Variants in CNTN6 observed in about 807,000 individuals in gnomAD.
The protein encoded by CNTN6 is contactin 6.
In CNTN6, 137 loss-of-function variants were observed where a neutral mutation model predicts 122.8. The ratio of observed to expected loss-of-function variants is 1.12; its 90% CI spans 0.97 to 1.29. The LOEUF is 1.29. CNTN6 is among the 50% of genes most tolerant of loss of function. The pLI, the probability that CNTN6 is intolerant of heterozygous loss-of-function variation, is 0.00. For missense variants in CNTN6, 1,634 were observed against 1,223.4 expected (o/e 1.34, Z -5.01); for synonymous variants, 570 against 426.0 (o/e 1.34, Z -4.16).
At chr3:1,189,660 A>C (rs980546849) in intron 2 of CNTN6, among the ~76,000 whole-genome samples, 7 of 152,108 alleles carry the variant, frequency 4.6e-5, no homozygotes, top group African/African-American at 1.2e-4. Flanking sequence ...TGTCGACTCC[A>C]TTTCATTATC....
chr3:1,114,574 G>C (rs892871582), intron 1 of CNTN6, among the ~76,000 whole-genome samples: 1 of 152,110 alleles, frequency 6.6e-6, no homozygotes, highest in East Asian at 1.9e-4. Context: ...GGAACACAGG[G>C]ATCTGTCAAA....
intron 2 of CNTN6, among the ~76,000 whole-genome samples, chr3:1,192,062 A>G (rs1471095025): frequency 1.3e-5 from 2 of 152,064 alleles, no homozygotes; most frequent in African/African-American, 4.8e-5. Flanking sequence ...ATAACTCTTC[A>G]ATCTGCCTCG....
At chr3:1,103,947 A>C (rs1203398593) in intron 1 of CNTN6, among the ~76,000 whole-genome samples, 1 of 152,110 alleles carries the variant, frequency 6.6e-6, no homozygotes, top group African/African-American at 2.4e-5. Flanking sequence ...AATTCTGATA[A>C]ATAATTTAAC....
intron 11 of CNTN6, among the ~76,000 whole-genome samples, chr3:1,332,883 CA>C (rs1702522469): frequency 6.6e-6 from 1 of 151,914 alleles, no homozygotes; most frequent in Non-Finnish European, 1.5e-5. Flanking sequence ...TCTTCTTTTT[CA>C]AAAGAGTATT....
intron 11 of CNTN6, among the ~76,000 whole-genome samples, chr3:1,348,585 CATAT>C (rs1705127885): frequency 6.6e-6 from 1 of 151,980 alleles, no homozygotes; most frequent in Non-Finnish European, 1.5e-5. Flanking sequence ...ATTATACATA[CATAT>C]ATACACACAT....
At chr3:1,249,445 A>C (rs1326563945) in intron 4 of CNTN6, among the ~76,000 whole-genome samples, 1 of 152,232 alleles carries the variant, frequency 6.6e-6, no homozygotes, top group Non-Finnish European at 1.5e-5. Flanking sequence ...CATTGGAATA[A>C]AGCACCAGGA....
At chr3:1,237,974 A>G (rs2094441194) in intron 4 of CNTN6, among the ~76,000 whole-genome samples, 1 of 152,048 alleles carries the variant, frequency 6.6e-6, no homozygotes, top group Non-Finnish European at 1.5e-5. Context: ...GAACCTATAT[A>G]ACAATAACAC....
At chr3:1,348,645 C>T (rs66502721) in intron 11 of CNTN6, among the ~76,000 whole-genome samples, 22,321 of 151,924 alleles carry the variant, frequency 0.15, 1,746 homozygotes, top group South Asian at 0.17. Context: ...TTTAGTAACT[C>T]TGCTATTAGT....
chr3:1,130,062 C>G (rs1219860892), intron 1 of CNTN6, among the ~76,000 whole-genome samples: 8 of 151,962 alleles, frequency 5.3e-5, no homozygotes, highest in African/African-American at 1.9e-4. Context: ...CCTGTCTTCT[C>G]TATATTCTCT....
intron 5 of CNTN6, among the ~76,000 whole-genome samples, chr3:1,287,141 T>A (rs961585997): frequency 6.6e-6 from 1 of 152,114 alleles, no homozygotes; most frequent in Non-Finnish European, 1.5e-5. Context: ...AACACCCCAC[T>A]GTCAATATTA....
At chr3:1,237,547 G>C (rs2094436902) in intron 4 of CNTN6, among the ~76,000 whole-genome samples, 1 of 152,046 alleles carries the variant, frequency 6.6e-6, no homozygotes, top group Admixed American at 6.5e-5. Context: ...GAAGCTCAAA[G>C]AACATATGGG....
intron 2 of CNTN6, among the ~76,000 whole-genome samples, chr3:1,218,451 C>A (rs973725490): frequency 6.6e-6 from 1 of 152,042 alleles, no homozygotes; most frequent in Non-Finnish European, 1.5e-5. Context: ...AGACCCTAAA[C>A]AGGGTCAGAA....
intron 1 of CNTN6, among the ~76,000 whole-genome samples, chr3:1,105,190 G>A (rs574184530): frequency 6.6e-6 from 1 of 151,984 alleles, no homozygotes; most frequent in Non-Finnish European, 1.5e-5. Context: ...ATTATTAATT[G>A]TAAATACTCT....
At chr3:1,196,457 TTTTG>T (rs2093780253) in intron 2 of CNTN6, among the ~76,000 whole-genome samples, 2 of 152,142 alleles carry the variant, frequency 1.3e-5, no homozygotes, top group South Asian at 2.1e-4. Context: ...GAAGAGATTT[TTTTG>T]TTTTTGTTTT....
intron 2 of CNTN6, among the ~76,000 whole-genome samples, chr3:1,207,219 C>A (rs1189085642): frequency 2.6e-5 from 4 of 151,976 alleles, no homozygotes; most frequent in Non-Finnish European, 5.9e-5. Flanking sequence ...TTTCTCTCCC[C>A]AGAAAATGGA....
intron 20 of CNTN6, among the ~76,000 whole-genome samples, chr3:1,389,976 C>T (rs1018689483): frequency 6.6e-6 from 1 of 150,828 alleles, no homozygotes; most frequent in Non-Finnish European, 1.5e-5. Context: ...CTTTAACAAC[C>T]CACTGTCAAC....
chr3:1,201,145 G>A (rs13059455), intron 2 of CNTN6, among the ~76,000 whole-genome samples: 2 of 121,986 alleles, frequency 1.6e-5, no homozygotes, highest in African/African-American at 6.4e-5. Flanking sequence ...GTGTGTGTGT[G>A]TATTTTTTGT....
In CNTN6 at chr3:1,298,010, TTTTTG is replaced by T. The variant is rs1696578603; in HGVS notation, c.761+24_761+28del. 6.4e-7 allele frequency: 1 copy of T among 1,561,078 alleles called. No homozygotes were observed. Among genetic ancestry groups the T allele is most frequent in the Admixed American group, 1.9e-5 (1 of 52,216 alleles). ...TTGGAAAGTAAGGTTTTTGTTTTTGTTTTTGTTTTCCTGGTTGCATTAATTTTTTT... is the reference window on the plus strand; with the variant it reads ...TTGGAAAGTAAGGTTTTTGTTTTTGTTTTTCCTGGTTGCATTAATTTTTTT... On this transcript the variant is annotated intron_variant, in intron 7 of 22. Coordinates refer to ENST00000446702, the MANE Select transcript of CNTN6 (RefSeq NM_001289080.2).
At chr3:1,325,626 A>G (rs116822146) in intron 8 of CNTN6, among the ~76,000 whole-genome samples, 189 bp from the exon 9 acceptor site, 248 of 151,922 alleles carry the variant, frequency 1.6e-3, no homozygotes, top group African/African-American at 5.7e-3. Context: ...ATGCCCAATG[A>G]TATTTGCAAC....
Sources: gnomAD v4.1 joint callset for allele counts (sites outside exome capture counted in the v4.1 genomes callset) on GRCh38, gnomAD v4.1.1 for gene constraint, MANE v1.5 for transcripts, NCBI Gene and HGNC (gene_info 2026-07-23, HGNC 2026-07-21) for gene names.